Variants in ITPR1 observed in about 807,000 individuals in gnomAD.
ITPR1 encodes the protein inositol 1,4,5-trisphosphate-gated calcium channel ITPR1.
In ITPR1, 96 loss-of-function variants were observed where a neutral mutation model predicts 318.4. The ratio of observed to expected loss-of-function variants is 0.30; its 90% CI spans 0.26 to 0.36. The LOEUF is 0.36. ITPR1 is among the 10% of genes least tolerant of loss of function. ITPR1 has a pLI of 1.00. For synonymous variants in ITPR1, 1,312 were observed against 1,289.9 expected, an observed-to-expected ratio of 1.02 and a Z score of -0.37; for missense variants, 2,440 against 3,460.2, an observed-to-expected ratio of 0.71 and a Z score of 7.40.
In ITPR1 at chr3:4,669,552, G is replaced by A. The variant is rs999984976; in HGVS notation, c.1887-102G>A. 5 of 1,127,746 alleles carry A rather than the reference G, an allele frequency of 4.4e-6. No homozygotes were observed. The African/African-American group carries it at 6.3e-5, about 14-fold the overall frequency. The allele number at this position is 1,127,746 out of a possible 1,614,324, so 69.9% of individuals were successfully genotyped here. ...ACTTAGAATGCTGCTGACATGTCTT[G>A]GTAAAGGTATGTTGGACCTGTGCAC... is the stretch of plus-strand genomic sequence containing the variant. On this transcript the variant is annotated intron_variant, in intron 18 of 61. Transcript: ENST00000649015.
In ITPR1 at chr3:4,501,754, G is replaced by C. The variant is rs148709739; in HGVS notation, c.-17+7248G>C. 5.9e-5 allele frequency among the ~76,000 whole-genome samples: 9 copies of C among 152,092 alleles called. No homozygotes were observed. In the East Asian group the frequency reaches 1.7e-3, roughly 29 times the overall value. ...CATGGGAACTTTGATGCTTACATTTGGGGGAGCTTTTATTCGCTGTTCACA... is the reference window on the plus strand; with the variant it reads ...CATGGGAACTTTGATGCTTACATTTCGGGGAGCTTTTATTCGCTGTTCACA... On this transcript the variant is annotated intron_variant, in intron 2 of 61. Coordinates refer to ENST00000649015, the MANE Select transcript of ITPR1 (RefSeq NM_001378452.1).
chr3:4,563,524 G>T (rs1013057792), intron 4 of ITPR1, among the ~76,000 whole-genome samples: 2 of 151,930 alleles, frequency 1.3e-5, no homozygotes, highest in African/African-American at 2.4e-5. Flanking sequence ...AAATAAAAAA[G>T]CAATTTGTCC....
chr3:4,800,665 G>T (rs1326749262), intron 54 of ITPR1, 65 bp downstream of exon 54: 2 of 1,505,416 alleles, frequency 1.3e-6, no homozygotes, highest in Admixed American at 1.7e-5. Context: ...CTTGCACTCT[G>T]GTTTCTAGAA....
At position 4,560,146 on chromosome 3, in the gene ITPR1, A is replaced by T. The variant is rs187239041; in HGVS notation, c.163+39052A>T. 5.3e-3 allele frequency among the ~76,000 whole-genome samples: 808 copies of T among 152,336 alleles called. 8 individuals carry two copies. Among genetic ancestry groups the T allele is most frequent in the African/African-American group, 0.018 (769 of 41,572 alleles). ...ACAGTACTTGGCACGTCCATGAATTAAAAAATGCTTAAGTAACTGCAGCAC... is the reference window on the plus strand; with the variant it reads ...ACAGTACTTGGCACGTCCATGAATTTAAAAATGCTTAAGTAACTGCAGCAC... On this transcript the variant is annotated intron_variant, in intron 4 of 61. Transcript: ENST00000649015.
chr3:4,517,476 TA>T (rs2082253318), intron 3 of ITPR1, among the ~76,000 whole-genome samples: 1 of 152,214 alleles, frequency 6.6e-6, no homozygotes, highest in Admixed American at 6.5e-5. Context: ...AGCTATTATT[TA>T]AAGCATGCTT....
At chr3:4,623,554 A>G (rs1372803867) in intron 4 of ITPR1, among the ~76,000 whole-genome samples, 6 of 152,136 alleles carry the variant, frequency 3.9e-5, no homozygotes, top group Admixed American at 3.9e-4. Context: ...CCCCCAAATA[A>G]ATATTAAATA....
At chr3:4,652,280 T>C in intron 11 of ITPR1, 62 bp downstream of exon 11, 1 of 1,171,770 alleles carries the variant, frequency 8.5e-7, no homozygotes, top group Non-Finnish European at 1.3e-6. Context: ...CCTTTCCTCA[T>C]TCGCCTGTAG....
chr3:4,756,800 T>C (rs2045029147), intron 44 of ITPR1, among the ~76,000 whole-genome samples: 1 of 152,258 alleles, frequency 6.6e-6, no homozygotes, highest in Non-Finnish European at 1.5e-5. Context: ...TATCACTGGA[T>C]GCAAGTTGGA....
rs150312524 is a variant in ITPR1 at position 4,619,331 on chromosome 3, T to C, written c.164-8432T>C. On this transcript the variant is annotated intron_variant, in intron 4 of 61. Coordinates refer to ENST00000649015, the MANE Select transcript of ITPR1 (RefSeq NM_001378452.1). ...GATATTATCTTGTATATTTCTTTGA[T>C]TGTTTCCATACCTTCAGTTTCTTTT... is the stretch of plus-strand genomic sequence containing the variant. 5.9e-3 allele frequency among the ~76,000 whole-genome samples: 899 copies of C among 152,332 alleles called. 10 individuals are homozygous for C. Among genetic ancestry groups the C allele is most frequent in the African/African-American group, 0.02 (834 of 41,568 alleles).
At chr3:4,686,950 A>T (rs566135558) in intron 30 of ITPR1, among the ~76,000 whole-genome samples, 424 of 152,348 alleles carry the variant, frequency 2.8e-3, no homozygotes, top group African/African-American at 9.8e-3. Context: ...GACAAATGTA[A>T]TCCCCATTAT....
At chr3:4,792,157 ACT>A (rs1419843586) in intron 52 of ITPR1, among the ~76,000 whole-genome samples, 1 of 151,282 alleles carries the variant, frequency 6.6e-6, no homozygotes, top group African/African-American at 2.4e-5. Flanking sequence ...TCCCTCTCTC[ACT>A]CTCTCACCTA....
chr3:4,675,754 A>G (rs1371017600), intron 23 of ITPR1, among the ~76,000 whole-genome samples: 1 of 152,186 alleles, frequency 6.6e-6, no homozygotes, highest in Non-Finnish European at 1.5e-5. Flanking sequence ...TCCTCGTTTT[A>G]GGGTCAGAGT....
chr3:4,501,387 G>A (rs990980348), intron 2 of ITPR1, among the ~76,000 whole-genome samples: 4 of 152,178 alleles, frequency 2.6e-5, no homozygotes, highest in African/African-American at 7.2e-5. Context: ...CCAGACCAGC[G>A]TTACTGACAT....
chr3:4,700,067 C>A, intron 35 of ITPR1, 126 bp downstream of exon 35: 2 of 770,818 alleles, frequency 2.6e-6, no homozygotes, highest in Non-Finnish European at 4.0e-6. Context: ...AGATATATTT[C>A]TCTTGGTGGA....
chr3:4,646,468 G>A (rs1249068270), intron 10 of ITPR1, among the ~76,000 whole-genome samples: 1 of 152,208 alleles, frequency 6.6e-6, no homozygotes, highest in Non-Finnish European at 1.5e-5. Flanking sequence ...TCAGTAACTT[G>A]TTTGGTGAAG....
rs570983643 is a variant in ITPR1, at chr3:4,838,546, C to CA, written c.8190+1617dup. Among the ~76,000 whole-genome samples, 284 of 152,226 alleles carry CA rather than the reference C, an allele frequency of 1.9e-3. 2 individuals are homozygous for CA. Among genetic ancestry groups the CA allele is most frequent in the South Asian group, 0.018 (89 of 4,820 alleles). On this transcript the variant is annotated intron_variant, in intron 61 of 61. Coordinates refer to ENST00000649015, the MANE Select transcript of ITPR1 (RefSeq NM_001378452.1). ...TAAATCAGATGTTTAAATTAGGTGC[C>CA]AAAAAATCTTACAGACACTGAACTA...
At chr3:4,809,028 G>T (rs1244643334) in intron 55 of ITPR1, among the ~76,000 whole-genome samples, 1 of 152,170 alleles carries the variant, frequency 6.6e-6, no homozygotes, top group East Asian at 1.9e-4. Context: ...GTTCATCCTT[G>T]GTGCTAAACA....
intron 24 of ITPR1, among the ~76,000 whole-genome samples, chr3:4,678,029 C>T (rs186915137): frequency 7.2e-4 from 109 of 152,164 alleles, no homozygotes; most frequent in Non-Finnish European, 7.9e-4. Context: ...GTGTTAGCAC[C>T]TTCTTTTTTT....
At chr3:4,707,544 T>G (rs1380412584) in intron 37 of ITPR1, among the ~76,000 whole-genome samples, 1 of 152,240 alleles carries the variant, frequency 6.6e-6, no homozygotes, top group African/African-American at 2.4e-5. Flanking sequence ...GCGTCACTTT[T>G]ACTGTACTCT....
Sources: allele counts gnomAD v4.1 joint callset (sites outside exome capture counted in the v4.1 genomes callset), GRCh38; gene constraint gnomAD v4.1.1; transcripts MANE v1.5; gene names NCBI Gene and HGNC (gene_info 2026-07-23, HGNC 2026-07-21).